FGFRL1: variants seen among roughly 807,000 people sequenced by gnomAD.
FGFRL1 encodes fibroblast growth factor receptor like 1.
FGFRL1 carries 24 observed loss-of-function variants against 36.8 expected under a neutral mutation model. That is an observed-to-expected ratio of 0.65 (90% CI 0.47 to 0.92). The LOEUF (loss-of-function observed/expected upper bound fraction) is 0.92. Ranked by LOEUF, FGFRL1 falls within the 40% of genes least tolerant of loss-of-function variation. FGFRL1 has a pLI of 0.00. For synonymous variants in FGFRL1, 422 were observed against 344.1 expected, an observed-to-expected ratio of 1.23 and a Z score of -2.50; for missense variants, 785 against 753.4, an observed-to-expected ratio of 1.04 and a Z score of -0.49.
chr4:1,024,578 G>A lies in FGFRL1; in HGVS notation c.986G>A (p.Arg329His), dbSNP rs374222149. The A allele has an allele frequency of 3.7e-5, 60 of 1,612,268 alleles. No individual in the cohort carries two copies. The highest frequency in any genetic ancestry group is 4.5e-5 in the East Asian group (2 of 44,876). The change falls in exon 6 of 7, where the codon CGC becomes CAC. Residue 329 changes from arginine to histidine, a missense_variant. Coordinates refer to ENST00000510644, the MANE Select transcript of FGFRL1 (RefSeq NM_001004356.3). ...AATAAGCTGCTCATCACCCGTGCCC[G>A]CCAGGACGATGCGGGCATGTACATC... The part of the protein sequence containing the change: ...YLNKLLITRA[R>H]QDDAGMYICL...
chr4:1,019,728 G>C (rs1285205808), intron 2 of FGFRL1, among the ~76,000 whole-genome samples: 1 of 152,192 alleles, frequency 6.6e-6, no homozygotes, highest in Non-Finnish European at 1.5e-5. Flanking sequence ...TGCAGGGAGG[G>C]TAGGGAAGGA....
At chr4:1,011,991 G>A (rs1221090242) in intron 1 of FGFRL1, 37 bp downstream of exon 1, 1 of 146,472 alleles carries the variant, frequency 6.8e-6, no homozygotes, top group African/African-American at 2.5e-5. Flanking sequence ...ACCCCAGGTG[G>A]GCACACGGGG....
rs763437948 is a variant in FGFRL1 at position 1,024,118 on chromosome 4, G to A, written c.718+17G>A. 8 of 1,474,252 alleles carry A rather than the reference G, an allele frequency of 5.4e-6. No homozygotes were observed. The highest frequency in any genetic ancestry group is 2.6e-5 in the South Asian group (2 of 77,228). The allele number at this position is 1,474,252 out of a possible 1,614,324, so 91.3% of individuals were successfully genotyped here. ...ATGTGATCCGTGAGTGTGGCCCCGG[G>A]CGCTGGCGGGCGGGGGGTGCTGGTG... is the stretch of plus-strand genomic sequence containing the variant. On this transcript the variant is annotated intron_variant, in intron 5 of 6. Coordinates refer to ENST00000510644, the MANE Select transcript of FGFRL1 (RefSeq NM_001004356.3).
chr4:1,025,695 C>T lies in FGFRL1; in HGVS notation c.*348C>T. On this transcript the variant is annotated 3_prime_UTR_variant, in exon 7 of 7. Transcript: ENST00000510644. ...TACAAGGACATGCTGCCTGAACATA[C>T]ACACGCACACCCATGCGCAGATGTG... 2.5e-6 allele frequency: 1 copy of T among 395,338 alleles called. No individual in the cohort carries two copies. The allele number at this position is 395,338 out of a possible 1,614,324, so 24.5% of individuals were successfully genotyped here.
chr4:1,020,069 A>T (rs1716090354), intron 2 of FGFRL1, among the ~76,000 whole-genome samples: 1 of 152,192 alleles, frequency 6.6e-6, no homozygotes, highest in South Asian at 2.1e-4. Flanking sequence ...ATTCTCTGTG[A>T]GGGTCCCTGT....
rs995809578 is a variant in FGFRL1 at position 1,025,888 on chromosome 4, C to T, written c.*541C>T. 6.0e-6 allele frequency: 1 copy of T among 166,234 alleles called. No homozygotes were observed. Among genetic ancestry groups the T allele is most frequent in the South Asian group, 1.6e-4 (1 of 6,140 alleles). 10.3% of individuals were successfully genotyped at this position (166,234 alleles called of 1,614,324 possible). A position where few individuals can be genotyped will look rare whatever the true frequency, so the allele number is the denominator to read the frequency against. On this transcript the variant is annotated 3_prime_UTR_variant, in exon 7 of 7. Transcript: ENST00000510644. Reference sequence around the variant, plus strand: ...CTGGACACACACACACACACGTGTGCACAGATATGCTGTCTGGACACGCAC... The same window carrying T: ...CTGGACACACACACACACACGTGTGTACAGATATGCTGTCTGGACACGCAC...
At chr4:1,018,344 C>T (rs904702704) in intron 2 of FGFRL1, among the ~76,000 whole-genome samples, 3 of 149,750 alleles carry the variant, frequency 2.0e-5, no homozygotes, top group South Asian at 2.1e-4. Context: ...GTGTTTTTTA[C>T]AGCTGGGCAG....
Position 1,012,519 on chromosome 4 carries a change from C to T in FGFRL1, c.34C>T (p.Pro12Ser), listed in dbSNP as rs1363826707. ...TPSPLLLLLL[P>S]PLLLGAFPPA... Reference sequence around the variant, plus strand: ...GAGCCCCCTGTTGCTGCTCCTGCTGCCGCCGCTGCTGCTGGGGGCCTTCCC... The same window carrying T: ...GAGCCCCCTGTTGCTGCTCCTGCTGTCGCCGCTGCTGCTGGGGGCCTTCCC... Residue 12 changes from proline (P) to serine (S), a missense_variant, in exon 2 of 7, where the codon CCG becomes TCG. Physicochemically the swap from Pro to Ser is moderately conservative, Grantham distance 74 (BLOSUM62 -1). Transcript: ENST00000510644. The T allele has an allele frequency of 1.9e-6, 3 of 1,551,048 alleles. No homozygotes were observed. Among genetic ancestry groups the T allele is most frequent in the African/African-American group, 2.8e-5 (2 of 70,656 alleles).
rs901968123 is a variant in FGFRL1, at chr4:1,012,650, C to T, written c.79+86C>T. 3 of 530,638 alleles carry T rather than the reference C, an allele frequency of 5.7e-6. No individual in the cohort carries two copies. The South Asian group carries it at 1.2e-4, about 21-fold the overall frequency. The allele number at this position is 530,638 out of a possible 1,614,324, so 32.9% of individuals were successfully genotyped here. A position where few individuals can be genotyped will look rare whatever the true frequency, so the allele number is the denominator to read the frequency against. The stretch of plus-strand genomic sequence containing the variant: ...CGGCCCTGAACCCTGCCACAGTGCC[C>T]GCCTGGCACGCGCCATGCCCCGCCC... On this transcript the variant is annotated intron_variant, in intron 2 of 6. Coordinates refer to ENST00000510644, the MANE Select transcript of FGFRL1 (RefSeq NM_001004356.3).
chr4:1,021,899 C>T (rs1716200580), intron 2 of FGFRL1, among the ~76,000 whole-genome samples: 1 of 152,228 alleles, frequency 6.6e-6, no homozygotes, highest in Non-Finnish European at 1.5e-5. Context: ...TTTGCATCCT[C>T]TGGGGACCCT....
chr4:1,022,106 C>T (rs545540451), intron 2 of FGFRL1, 97 bp from the exon 3 acceptor site: 9 of 958,456 alleles, frequency 9.4e-6, no homozygotes, highest in South Asian at 3.8e-5. Context: ...AGCTCAGGCC[C>T]GAGGTCTGTG....
In FGFRL1 at chr4:1,026,802, G is replaced by C. The variant is rs1350604560; in HGVS notation, c.*1455G>C. 1 of 454,476 alleles carries C rather than the reference G, an allele frequency of 2.2e-6. No homozygotes were observed. The highest frequency in any genetic ancestry group is 4.4e-6 in the Non-Finnish European group (1 of 225,976). 28.2% of individuals were successfully genotyped at this position (454,476 alleles called of 1,614,324 possible). On this transcript the variant is annotated 3_prime_UTR_variant, in exon 7 of 7. Transcript: ENST00000510644. Reference sequence around the variant, plus strand: ...CACCACCCCCCACCCCACTGTCGTGGTGGCCCCAGATCTCTGTAATTTTAT... The same window carrying C: ...CACCACCCCCCACCCCACTGTCGTGCTGGCCCCAGATCTCTGTAATTTTAT...
rs376400181 is a variant in FGFRL1, at chr4:1,025,150, G to A, written c.1318G>A (p.Ala440Thr). 9.9e-6 allele frequency: 16 copies of A among 1,610,548 alleles called. No individual in the cohort carries two copies. Among genetic ancestry groups the A allele is most frequent in the South Asian group, 2.2e-5 (2 of 90,734 alleles). ...CCTTCCCTCGTTGGCCGCCCTCAGC[G>A]CTGGCCCTGGTGTGGGGCTGTGTGA... ...KDLPSLAALS[A>T]GPGVGLCEEH... Residue 440 changes from alanine to threonine, a missense_variant, in exon 7 of 7, where the codon GCT (alanine) becomes ACT (threonine). Coordinates refer to ENST00000510644, the MANE Select transcript of FGFRL1 (RefSeq NM_001004356.3).
At chr4:1,018,988 C>T (rs1411332613) in intron 2 of FGFRL1, among the ~76,000 whole-genome samples, 4 of 152,164 alleles carry the variant, frequency 2.6e-5, no homozygotes, top group Non-Finnish European at 4.4e-5. Flanking sequence ...GTGCCTACAG[C>T]GCTTGCAGGC....
At position 1,024,076 on chromosome 4, in the gene FGFRL1, C is replaced by G; in HGVS notation, c.693C>G (p.Asn231Lys). The change falls in exon 5 of 7, where the codon AAC becomes AAG. Residue 231 changes from asparagine (N) to lysine (K), a missense_variant. Transcript: ENST00000510644. Reference protein sequence around the residue: ...CRVSNRAGAINATYKVDVIQR... With the variant: ...CRVSNRAGAIKATYKVDVIQR... ...TGTCGAACCGCGCGGGCGCCATCAA[C>G]GCCACCTACAAGGTGGATGTGATCC... 1 of 1,598,000 alleles carries G rather than the reference C, an allele frequency of 6.3e-7. No homozygotes were observed. Among genetic ancestry groups the G allele is most frequent in the Non-Finnish European group, 8.5e-7 (1 of 1,175,026 alleles).
chr4:1,023,554 G>T lies in FGFRL1; in HGVS notation c.353-87G>T, dbSNP rs1012239861. 8.0e-7 allele frequency: 1 copy of T among 1,243,126 alleles called. No homozygotes were observed. 77.0% of individuals were successfully genotyped at this position (1,243,126 alleles called of 1,614,324 possible). A position where few individuals can be genotyped will look rare whatever the true frequency, so the allele number is the denominator to read the frequency against. On this transcript the variant is annotated intron_variant, in intron 3 of 6. Transcript: ENST00000510644. The surrounding 1 kb of genome is among the most constrained non-coding windows in gnomAD (Gnocchi z 6.0). ...GTCCAGGGCTGTCCCGGCTGGGGCTGGGGGAGCTAGAGGCCACGGGGGAGT... is the reference window on the plus strand; with the variant it reads ...GTCCAGGGCTGTCCCGGCTGGGGCTTGGGGAGCTAGAGGCCACGGGGGAGT...
chr4:1,026,787 C>CA lies in FGFRL1; in HGVS notation c.*1441dup. The CA allele has an allele frequency of 2.2e-6, 1 of 450,468 alleles. No homozygotes were observed. The highest frequency in any genetic ancestry group is 7.1e-5 in the East Asian group (1 of 14,134). 27.9% of individuals were successfully genotyped at this position (450,468 alleles called of 1,614,324 possible). A position where few individuals can be genotyped will look rare whatever the true frequency, so the allele number is the denominator to read the frequency against. ...CCCGTCCAGGCCAGACACCACCCCC[C>CA]ACCCCACTGTCGTGGTGGCCCCAGA... On this transcript the variant is annotated 3_prime_UTR_variant, in exon 7 of 7. Transcript: ENST00000510644.
chr4:1,012,066 A>G (rs1334561170), intron 1 of FGFRL1, 112 bp downstream of exon 1: 1 of 143,746 alleles, frequency 7.0e-6, no homozygotes, highest in Non-Finnish European at 1.5e-5. Flanking sequence ...GGCACGGGTC[A>G]TGCGCGCCGC....
intron 2 of FGFRL1, among the ~76,000 whole-genome samples, chr4:1,021,348 G>T (rs1273856910): frequency 6.6e-6 from 1 of 152,066 alleles, no homozygotes; most frequent in Non-Finnish European, 1.5e-5. Flanking sequence ...GCTCCTGTGG[G>T]TTTCACAGGT....
Sources: gnomAD v4.1 joint callset for allele counts (sites outside exome capture counted in the v4.1 genomes callset) on GRCh38, gnomAD v4.1.1 for gene constraint, Gnocchi (gnomAD v3.1) non-coding constraint, MANE v1.5 for transcripts, NCBI Gene and HGNC (gene_info 2026-07-23, HGNC 2026-07-21) for gene names.